PRDM5: variants seen among roughly 807,000 people sequenced by gnomAD.
PRDM5 encodes the protein PR domain zinc finger protein 5.
In PRDM5, 56 loss-of-function variants were observed where a neutral mutation model predicts 81.2. That is an observed-to-expected ratio of 0.69 (90% CI 0.56 to 0.86). The LOEUF is 0.86. PRDM5 is among the 40% of genes least tolerant of loss of function. The pLI is 0.00. For missense variants in PRDM5, 697 were observed against 770.1 expected, an observed-to-expected ratio of 0.91 and a Z score of 1.12; for synonymous variants, 267 against 256.4, an observed-to-expected ratio of 1.04 and a Z score of -0.39.
intron 3 of PRDM5, among the ~76,000 whole-genome samples, chr4:120,850,926 A>G (rs903355233): frequency 6.6e-6 from 1 of 152,192 alleles, no homozygotes; most frequent in Non-Finnish European, 1.5e-5. Flanking sequence ...ATGATAACAT[A>G]CAGGGCATAG....
At chr4:120,905,349 G>C (rs929722317) in intron 2 of PRDM5, among the ~76,000 whole-genome samples, 2 of 152,148 alleles carry the variant, frequency 1.3e-5, no homozygotes, top group Non-Finnish European at 2.9e-5. Flanking sequence ...ATAGGCTATA[G>C]TACCCAATTA....
Position 120,812,153 on chromosome 4 carries a change from T to C in PRDM5, c.866-704A>G, listed in dbSNP as rs144958620. 2.5e-3 allele frequency among the ~76,000 whole-genome samples: 380 copies of C among 152,232 alleles called. 1 individual carries two copies. Among genetic ancestry groups the C allele is most frequent in the African/African-American group, 7.1e-3 (294 of 41,540 alleles). On this transcript the variant is annotated intron_variant, in intron 7 of 15. Transcript: ENST00000264808. ...TTTGTGCAGCTGTGCCTGGCTTACTTCACTTAAGAAAATTACCTTTACCCA... is the reference window on the plus strand; with the variant it reads ...TTTGTGCAGCTGTGCCTGGCTTACTCCACTTAAGAAAATTACCTTTACCCA...
intron 3 of PRDM5, among the ~76,000 whole-genome samples, chr4:120,823,914 G>A (rs1755620145): frequency 6.6e-6 from 1 of 152,166 alleles, no homozygotes; most frequent in African/African-American, 2.4e-5. Flanking sequence ...TCAGTATAAT[G>A]AATGAGTTCT....
downstream of PRDM5, among the ~76,000 whole-genome samples, chr4:120,688,428 G>T (rs560874541): frequency 6.6e-6 from 1 of 152,098 alleles, no homozygotes; most frequent in East Asian, 1.9e-4. Flanking sequence ...CATTGCATAG[G>T]TTGCTTCTCA....
intron 2 of PRDM5, among the ~76,000 whole-genome samples, chr4:120,864,396 G>T (rs2148512224): frequency 6.6e-6 from 1 of 152,304 alleles, no homozygotes; most frequent in Non-Finnish European, 1.5e-5. Context: ...TATTCTAGAT[G>T]TTTTTAATCC....
chr4:120,796,040 A>G (rs1205079833), intron 10 of PRDM5, among the ~76,000 whole-genome samples: 2 of 152,184 alleles, frequency 1.3e-5, no homozygotes, highest in African/African-American at 4.8e-5. Context: ...AAAAATGTAT[A>G]TATTATATTC....
intron 2 of PRDM5, among the ~76,000 whole-genome samples, chr4:120,864,290 T>C (rs1199824040): frequency 1.3e-5 from 2 of 152,122 alleles, no homozygotes; most frequent in Non-Finnish European, 2.9e-5. Context: ...GAGAAAAGCA[T>C]AAGGATGGGA....
chr4:120,844,233 A>G (rs1471275232), intron 3 of PRDM5, among the ~76,000 whole-genome samples: 1 of 152,212 alleles, frequency 6.6e-6, no homozygotes, highest in East Asian at 1.9e-4. Flanking sequence ...TATAAAGACA[A>G]AAACTACAAA....
At chr4:120,792,032 C>T (rs1025121506) in intron 10 of PRDM5, among the ~76,000 whole-genome samples, 8 of 152,140 alleles carry the variant, frequency 5.3e-5, no homozygotes, top group African/African-American at 1.9e-4. Context: ...ACCACCCAGC[C>T]CAAGGTATTT....
intron 12 of PRDM5, among the ~76,000 whole-genome samples, chr4:120,777,680 G>T (rs1748389544): frequency 6.6e-6 from 1 of 151,984 alleles, no homozygotes; most frequent in Admixed American, 6.6e-5. Flanking sequence ...TAACTCTTGA[G>T]GACAGAATTA....
chr4:120,820,901 A>G (rs935977581), intron 4 of PRDM5, among the ~76,000 whole-genome samples: 3 of 152,222 alleles, frequency 2.0e-5, no homozygotes, highest in African/African-American at 7.2e-5. Context: ...CGCCAGTGAG[A>G]GCAGTGAGAG....
chr4:120,751,367 G>A (rs572897170), intron 14 of PRDM5, among the ~76,000 whole-genome samples: 2 of 151,758 alleles, frequency 1.3e-5, no homozygotes, highest in Non-Finnish European at 2.9e-5. Flanking sequence ...GAAAAACACC[G>A]AGATTTTTTT....
chr4:120,724,641 T>C (rs553329224), intron 14 of PRDM5, among the ~76,000 whole-genome samples: 41 of 152,244 alleles, frequency 2.7e-4, no homozygotes, highest in Middle Eastern at 3.4e-3. Context: ...AATAAAACCA[T>C]AAAGTTTATT....
At chr4:120,688,878 C>A (rs1237834257), downstream of PRDM5, among the ~76,000 whole-genome samples, 1 of 152,106 alleles carries the variant, frequency 6.6e-6, no homozygotes, top group East Asian at 1.9e-4. Context: ...GTTTTGATGA[C>A]AGTAATTTTG....
chr4:120,740,664 G>A (rs1377067926), intron 14 of PRDM5, among the ~76,000 whole-genome samples: 1 of 152,070 alleles, frequency 6.6e-6, no homozygotes. Context: ...AGATCCCATG[G>A]CCATCTCATG....
chr4:120,710,156 G>C (rs1161115078), intron 15 of PRDM5, among the ~76,000 whole-genome samples, 153 bp downstream of exon 15: 1 of 151,922 alleles, frequency 6.6e-6, no homozygotes, highest in Non-Finnish European at 1.5e-5. Context: ...GCAAGAACAA[G>C]CTATAAATAG....
chr4:120,797,535 C>T (rs538995692), intron 10 of PRDM5, among the ~76,000 whole-genome samples: 2 of 152,142 alleles, frequency 1.3e-5, no homozygotes, highest in African/African-American at 4.8e-5. Context: ...TTATATTTGG[C>T]TTCTAATTTT....
intron 12 of PRDM5, among the ~76,000 whole-genome samples, chr4:120,779,850 C>A (rs528816240): frequency 1.3e-5 from 2 of 151,850 alleles, no homozygotes; most frequent in Non-Finnish European, 2.9e-5. Flanking sequence ...TTGTGGAGAG[C>A]GGAGAGCCGA....
intron 15 of PRDM5, among the ~76,000 whole-genome samples, chr4:120,701,641 G>A (rs1411262417): frequency 1.3e-5 from 2 of 151,696 alleles, no homozygotes; most frequent in Non-Finnish European, 2.9e-5. Context: ...CATAAAGGTG[G>A]TAACAATAGC....
Sources: gnomAD v4.1 joint callset for allele counts (sites outside exome capture counted in the v4.1 genomes callset) on GRCh38, gnomAD v4.1.1 for gene constraint, MANE v1.5 for transcripts, NCBI Gene and HGNC (gene_info 2026-07-23, HGNC 2026-07-21) for gene names.